Variants in GABRG3 observed in about 807,000 individuals in gnomAD.
GABRG3 encodes gamma-aminobutyric acid receptor subunit gamma-3.
GABRG3 carries 25 observed loss-of-function variants against 48.8 expected under a neutral mutation model. That is an observed-to-expected ratio of 0.51 (90% CI 0.37 to 0.72). GABRG3 has a LOEUF of 0.72. Ranked by LOEUF, GABRG3 falls within the 30% of genes least tolerant of loss-of-function variation. The pLI, the probability that GABRG3 is intolerant of heterozygous loss-of-function variation, is 0.00. For synonymous variants in GABRG3, 227 were observed against 217.6 expected (o/e 1.04, Z -0.38); for missense variants, 394 against 577.9 (o/e 0.68, Z 3.26).
intron 6 of GABRG3, among the ~76,000 whole-genome samples, chr15:27,501,229 G>A (rs921305195): frequency 6.6e-6 from 1 of 152,172 alleles, no homozygotes; most frequent in Non-Finnish European, 1.5e-5. Context: ...AGGATTACAG[G>A]CGTGAGCCAC....
intron 3 of GABRG3, among the ~76,000 whole-genome samples, chr15:27,222,895 C>T (rs1447465543): frequency 6.6e-6 from 1 of 152,228 alleles, no homozygotes; most frequent in African/African-American, 2.4e-5. Context: ...CACAGTCTCA[C>T]TTCAGAATCC....
At chr15:27,482,781 G>A (rs1890131670) in intron 6 of GABRG3, among the ~76,000 whole-genome samples, 1 of 152,168 alleles carries the variant, frequency 6.6e-6, no homozygotes, top group Non-Finnish European at 1.5e-5. Flanking sequence ...CTGTGAAATG[G>A]AAACACTTTG....
At chr15:27,096,241 T>C (rs1897263874) in intron 3 of GABRG3, among the ~76,000 whole-genome samples, 1 of 152,210 alleles carries the variant, frequency 6.6e-6, no homozygotes, top group East Asian at 1.9e-4. Context: ...GTGTAGGGGC[T>C]CCAGGCTCAG....
At chr15:26,984,564 C>G (rs1008345591) in intron 2 of GABRG3, among the ~76,000 whole-genome samples, 2 of 152,054 alleles carry the variant, frequency 1.3e-5, no homozygotes, top group Admixed American at 1.3e-4. Context: ...CTTCTTTATC[C>G]ATCCTTTTAA....
chr15:27,433,487 G>A (rs955819617), intron 5 of GABRG3, among the ~76,000 whole-genome samples: 3 of 152,138 alleles, frequency 2.0e-5, no homozygotes, highest in East Asian at 1.9e-4. Context: ...TCAGAGTTCC[G>A]AAAAGGTTGA....
At chr15:27,221,872 A>AT (rs112695546) in intron 3 of GABRG3, among the ~76,000 whole-genome samples, 40 of 152,242 alleles carry the variant, frequency 2.6e-4, no homozygotes, top group African/African-American at 9.1e-4. Flanking sequence ...TTCTATCTAT[A>AT]TTTTTTTGGT....
rs549895028 is a variant in GABRG3 at position 27,352,622 on chromosome 15, G to T, written c.574+23734G>T. Among the ~76,000 whole-genome samples, 1 of 152,066 alleles carries T rather than the reference G, an allele frequency of 6.6e-6. No individual in the cohort carries two copies. On this transcript the variant is annotated intron_variant, in intron 5 of 9. Coordinates refer to ENST00000615808, the MANE Select transcript of GABRG3 (RefSeq NM_033223.5). The surrounding 1 kb of genome is among the most constrained non-coding windows in gnomAD (Gnocchi z 4.0). ...CGCTCACACCACCCCACACTGCCCC[G>T]GGGAGGCAGGCCAAGGAAGCCCCCT...
intron 5 of GABRG3, among the ~76,000 whole-genome samples, chr15:27,376,558 G>C (rs1419421845): frequency 1.3e-5 from 2 of 152,148 alleles, no homozygotes; most frequent in African/African-American, 4.8e-5. Context: ...CTTTACTTCT[G>C]TGCCCTCACA....
chr15:27,365,963 A>G (rs1025903164), intron 5 of GABRG3: 1 of 152,140 alleles, frequency 6.6e-6, no homozygotes, highest in Non-Finnish European at 1.5e-5. Context: ...AAATGTACAG[A>G]TTTTGATTTT....
chr15:26,984,026 G>T (rs1895105536), intron 2 of GABRG3, among the ~76,000 whole-genome samples: 1 of 152,038 alleles, frequency 6.6e-6, no homozygotes, highest in African/African-American at 2.4e-5. Flanking sequence ...CCTACAGGAA[G>T]CCCTCCCTCA....
chr15:27,219,771 C>T (rs1209742063), intron 3 of GABRG3, among the ~76,000 whole-genome samples: 1 of 152,226 alleles, frequency 6.6e-6, no homozygotes, highest in Non-Finnish European at 1.5e-5. Flanking sequence ...TGCCTGTTCC[C>T]TCCTCGCCTT....
chr15:27,265,187 A>G (rs1157276085), intron 3 of GABRG3, among the ~76,000 whole-genome samples: 1 of 152,094 alleles, frequency 6.6e-6, no homozygotes, highest in Non-Finnish European at 1.5e-5. Context: ...CCTAATTGCC[A>G]ATCTCACCAA....
At chr15:27,069,829 C>G (rs1009411984) in intron 3 of GABRG3, among the ~76,000 whole-genome samples, 2 of 152,168 alleles carry the variant, frequency 1.3e-5, no homozygotes, top group African/African-American at 2.4e-5. Context: ...AAATCAGATG[C>G]CTTGGTCGTT....
At chr15:27,187,972 G>A (rs1380801765) in intron 3 of GABRG3, among the ~76,000 whole-genome samples, 2 of 147,178 alleles carry the variant, frequency 1.4e-5, no homozygotes, top group East Asian at 4.1e-4. Context: ...GCGAGAATAT[G>A]CGGTGTTTGG....
At chr15:26,983,045 C>T (rs111714090) in intron 2 of GABRG3, among the ~76,000 whole-genome samples, 7 of 152,270 alleles carry the variant, frequency 4.6e-5, no homozygotes, top group South Asian at 2.1e-4. Flanking sequence ...ACAGCTCTCC[C>T]GGTAAAAGAT....
chr15:27,356,239 GA>G (rs1165418261), intron 5 of GABRG3, among the ~76,000 whole-genome samples: 4 of 151,930 alleles, frequency 2.6e-5, no homozygotes, highest in Admixed American at 2.6e-4. Context: ...CCACCTGGAA[GA>G]AAAAACAAAG....
At chr15:27,373,702 C>T (rs979012047) in intron 5 of GABRG3, among the ~76,000 whole-genome samples, 1 of 152,146 alleles carries the variant, frequency 6.6e-6, no homozygotes, top group Non-Finnish European at 1.5e-5. Flanking sequence ...CTGGCGCTTA[C>T]TTTGCTGTTT....
chr15:27,507,170 A>T (rs1441192401), intron 6 of GABRG3, among the ~76,000 whole-genome samples: 1 of 152,186 alleles, frequency 6.6e-6, no homozygotes, highest in South Asian at 2.1e-4. Flanking sequence ...TTTGTACTAT[A>T]GTCTAAGGAC....
In GABRG3 at chr15:27,319,315, G is replaced by A; in HGVS notation, c.271-7494G>A. 6.6e-6 allele frequency among the ~76,000 whole-genome samples: 1 copy of A among 152,158 alleles called. No homozygotes were observed. The highest frequency in any genetic ancestry group is 2.4e-5 in the African/African-American group (1 of 41,444). ...GGGTGGCTCTTCTTAGTTCCTATCT[G>A]TAGAATGGGGATATTCATATTGTTG... On this transcript the variant is annotated intron_variant, in intron 3 of 9. Transcript: ENST00000615808. The surrounding 1 kb of genome is among the most constrained non-coding windows in gnomAD (Gnocchi z 4.4).
Sources: allele counts gnomAD v4.1 joint callset (sites outside exome capture counted in the v4.1 genomes callset), GRCh38; gene constraint gnomAD v4.1.1; non-coding constraint Gnocchi (gnomAD v3.1); transcripts MANE v1.5; gene names NCBI Gene and HGNC (gene_info 2026-07-23, HGNC 2026-07-21).